Variants in STXBP2 observed in about 807,000 individuals in gnomAD.
STXBP2 encodes the protein syntaxin-binding protein 2.
In STXBP2, 47 loss-of-function variants were observed where a neutral mutation model predicts 72.2. The ratio of observed to expected loss-of-function variants is 0.65; its 90% CI spans 0.51 to 0.83. The LOEUF (loss-of-function observed/expected upper bound fraction) is 0.83. Among genes scored for constraint, STXBP2 ranks in the 40% least tolerant of loss-of-function variants. STXBP2 has a pLI of 0.00. For missense variants in STXBP2, 702 were observed against 807.6 expected (o/e 0.87, Z 1.58); for synonymous variants, 367 against 338.7 (o/e 1.08, Z -0.92).
At chr19:7,646,067 C>A in intron 15 of STXBP2, 182 bp from the exon 16 acceptor site, 2 of 616,076 alleles carry the variant, frequency 3.2e-6, no homozygotes, top group Non-Finnish European at 2.9e-6. Flanking sequence ...CTCTCCGTCT[C>A]TCTCTGGCTC....
chr19:7,639,962 A>G (rs1476435658), intron 4 of STXBP2, 155 bp downstream of exon 4: 14 of 822,388 alleles, frequency 1.7e-5, no homozygotes, highest in Non-Finnish European at 2.4e-5. Flanking sequence ...GTGTGTGTGC[A>G]TCTGTGTATG....
chr19:7,647,163 A>G lies in STXBP2; in HGVS notation c.1454A>G (p.Asp485Gly), dbSNP rs1477516324. Reference sequence around the variant, plus strand: ...CCTAACCTGCCTCTCGGCCGCCAGGACGCCGTGGAGGACCGGCTGGACAGG... The same window carrying G: ...CCTAACCTGCCTCTCGGCCGCCAGGGCGCCGTGGAGGACCGGCTGGACAGG... ...WTPVIKDVME[D>G]AVEDRLDRNL... The change falls in exon 17 of 19, where the codon GAC becomes GGC. Residue 485 changes from aspartate (D) to glycine (G), a missense_variant and splice_region_variant. Physicochemically the swap from Asp to Gly is moderately conservative, Grantham distance 94 (BLOSUM62 -1). Transcript: ENST00000221283. 6.8e-6 allele frequency: 11 copies of G among 1,611,524 alleles called. No individual in the cohort carries two copies. Among genetic ancestry groups the G allele is most frequent in the South Asian group, 2.2e-5 (2 of 91,050 alleles).
In STXBP2 at chr19:7,647,172, A is replaced by T; in HGVS notation, c.1463A>T (p.Glu488Val). The change falls in exon 17 of 19, where the codon GAG becomes GTG. Residue 488 changes from glutamate to valine, a missense_variant. Coordinates refer to ENST00000221283, the MANE Select transcript of STXBP2 (RefSeq NM_006949.4). ...VIKDVMEDAV[E>V]DRLDRNLWPF... ...CCTCTCGGCCGCCAGGACGCCGTGGAGGACCGGCTGGACAGGAACCTGTGG... is the reference window on the plus strand; with the variant it reads ...CCTCTCGGCCGCCAGGACGCCGTGGTGGACCGGCTGGACAGGAACCTGTGG... 1 of 1,611,962 alleles carries T rather than the reference A, an allele frequency of 6.2e-7. No individual in the cohort carries two copies. The highest frequency in any genetic ancestry group is 8.5e-7 in the Non-Finnish European group (1 of 1,179,888).
At chr19:7,633,483 G>T (rs1394598370), upstream of STXBP2, 7 of 1,562,862 alleles carry the variant, frequency 4.5e-6, no homozygotes, top group South Asian at 5.9e-5. Flanking sequence ...TCACTTTTCT[G>T]CTGGCCTCTG....
At chr19:7,640,340 G>A (rs1568465172) in intron 4 of STXBP2, 1 of 533,548 alleles carries the variant, frequency 1.9e-6, no homozygotes, top group Non-Finnish European at 3.4e-6. Context: ...GTATGCGTGT[G>A]TGTATGCGTC....
chr19:7,638,577 A>G (rs2031658768), intron 1 of STXBP2, 149 bp from the exon 2 acceptor site: 2 of 783,124 alleles, frequency 2.6e-6, no homozygotes, highest in Non-Finnish European at 2.1e-6. Flanking sequence ...ACTTTAGCCT[A>G]GGTGACAGAG....
chr19:7,637,564 A>G (rs1194423481), intron 1 of STXBP2, among the ~76,000 whole-genome samples: 1 of 151,964 alleles, frequency 6.6e-6, no homozygotes, highest in Non-Finnish European at 1.5e-5. Flanking sequence ...GGGGCCTCCT[A>G]GGGCTCTGGT....
upstream of STXBP2, chr19:7,632,376 G>T: frequency 4.3e-6 from 7 of 1,613,352 alleles, no homozygotes; most frequent in South Asian, 1.1e-5. The surrounding 1 kb of genome is among the most constrained non-coding windows in gnomAD (Gnocchi z 5.2). Context: ...CCTCGACATC[G>T]CCAGAACATC....
At chr19:7,631,399 C>CGGGGGGGGGGGTGGGGGGGGGG in the STXBP2 span, 1 of 583,166 alleles carries the variant, frequency 1.7e-6, no homozygotes, top group Non-Finnish European at 2.4e-6. Flanking sequence ...GAGAGGTGGG[C>CGGGGGGGGGGGTGGGGGGGGGG]GGGGGGGGGT....
rs909217776 is a variant in STXBP2, at chr19:7,646,642, C to T, written c.1452+298C>T. The stretch of plus-strand genomic sequence containing the variant: ...AGTGCCCCTGAGCCCCAGCCCTGGC[C>T]TTCCCAGGATCCCAGGGCAGCACCA... On this transcript the variant is annotated intron_variant, in intron 16 of 18. Transcript: ENST00000221283. The T allele has an allele frequency of 1.2e-4, 60 of 499,958 alleles. No individual in the cohort carries two copies. In the East Asian group the frequency reaches 1.5e-3, roughly 12 times the overall value. The allele number at this position is 499,958 out of a possible 1,614,324, so 31.0% of individuals were successfully genotyped here.
Position 7,640,050 on chromosome 19 carries a change from TTGTGTGTA to T in STXBP2, c.246+254_246+261del, listed in dbSNP as rs549540080. 2,697 of 611,328 alleles carry T rather than the reference TTGTGTGTA, an allele frequency of 4.4e-3. 49 individuals carry two copies. In the African/African-American group the frequency reaches 0.048, roughly 11 times the overall value. The allele number at this position is 611,328 out of a possible 1,614,324, so 37.9% of individuals were successfully genotyped here. On this transcript the variant is annotated intron_variant, in intron 4 of 18. Coordinates refer to ENST00000221283, the MANE Select transcript of STXBP2 (RefSeq NM_006949.4). ...CATGTGTGTGCGTCTGTGTGTGCAT[TTGTGTGTA>T]TGTGTGTATGCGTGTGTGTCTGTGG... is the stretch of plus-strand genomic sequence containing the variant.
Position 7,647,418 on chromosome 19 carries a change from A to T in STXBP2, c.1603A>T (p.Ile535Phe), listed in dbSNP as rs370240434. 7.4e-6 allele frequency: 12 copies of T among 1,613,576 alleles called. No homozygotes were observed. Among genetic ancestry groups the T allele is most frequent in the Non-Finnish European group, 9.3e-6 (11 of 1,179,950 alleles). ...AGAAGCCCGGGCGGGCCCCCGGCTC[A>T]TCGTGTATGTCATGGGCGGTGTGGC... ...GIEARAGPRL[I>F]VYVMGGVAMS... Residue 535 changes from isoleucine (I) to phenylalanine (F), a missense_variant, in exon 18 of 19, where the codon ATC becomes TTC. Ile to Phe is a conservative substitution (Grantham distance 21). Coordinates refer to ENST00000221283, the MANE Select transcript of STXBP2 (RefSeq NM_006949.4).
chr19:7,643,159 C>T lies in STXBP2; in HGVS notation c.1027-6C>T, dbSNP rs774885772. 1.2e-6 allele frequency: 2 copies of T among 1,614,122 alleles called. No homozygotes were observed. Among genetic ancestry groups the T allele is most frequent in the South Asian group, 1.1e-5 (1 of 91,082 alleles). The stretch of plus-strand genomic sequence containing the variant: ...TATCCCCCAACCCCCACCCTGCACC[C>T]TGCAGTATTCTACGCACCTGCATCT... On this transcript the variant is annotated splice_polypyrimidine_tract_variant and splice_region_variant and intron_variant, in intron 12 of 18. Coordinates refer to ENST00000221283, the MANE Select transcript of STXBP2 (RefSeq NM_006949.4).
At chr19:7,640,419 TGCGC>T (rs374557781) in intron 4 of STXBP2, 1 of 626,964 alleles carries the variant, frequency 1.6e-6, no homozygotes, top group Admixed American at 2.3e-5. Flanking sequence ...TATGTATGTG[TGCGC>T]GCGCATCTGT....
At chr19:7,637,066 GGCGGGGTCCACGTGGGTGACGC>G, upstream of STXBP2, 1 of 1,222,886 alleles carries the variant, frequency 8.2e-7, no homozygotes, top group East Asian at 3.2e-5. Context: ...GGGCCCGCGG[GGCGGGGTCCACGTGGGTGACGC>G]GCGGGGCCAC....
At chr19:7,636,870 A>T, upstream of STXBP2, 4 of 371,696 alleles carry the variant, frequency 1.1e-5, no homozygotes, top group East Asian at 3.9e-5. Context: ...CCTGCTTCGC[A>T]CGCAAGCCAG....
At chr19:7,629,816 T>C in the STXBP2 span, 12 of 1,536,814 alleles carry the variant, frequency 7.8e-6, no homozygotes, top group African/African-American at 1.4e-5. Flanking sequence ...ACTGGCTTTG[T>C]TGACCGGGAG....
chr19:7,633,106 T>G, upstream of STXBP2: 1 of 1,080,838 alleles, frequency 9.3e-7, no homozygotes, highest in Non-Finnish European at 1.3e-6. Context: ...CCCGCCGTCC[T>G]AGATTGGGGC....
rs764239074 is a variant in STXBP2 at position 7,640,348 on chromosome 19, G to A, written c.247-383G>A. The A allele has an allele frequency of 1.5e-4, 75 of 501,994 alleles. 1 individual carries two copies. Among genetic ancestry groups the A allele is most frequent in the Admixed American group, 9.3e-4 (36 of 38,700 alleles). The allele number at this position is 501,994 out of a possible 1,614,324, so 31.1% of individuals were successfully genotyped here. A position where few individuals can be genotyped will look rare whatever the true frequency, so the allele number is the denominator to read the frequency against. Reference sequence around the variant, plus strand: ...TGCGTGTGTATGCGTGTGTGTATGCGTCTGTGCATGTGTGTATGCGTGTGT... The same window carrying A: ...TGCGTGTGTATGCGTGTGTGTATGCATCTGTGCATGTGTGTATGCGTGTGT... On this transcript the variant is annotated intron_variant, in intron 4 of 18. Transcript: ENST00000221283.
Sources: gnomAD v4.1 joint callset for allele counts (sites outside exome capture counted in the v4.1 genomes callset) on GRCh38, gnomAD v4.1.1 for gene constraint, Gnocchi (gnomAD v3.1) non-coding constraint, MANE v1.5 for transcripts, NCBI Gene and HGNC (gene_info 2026-07-23, HGNC 2026-07-21) for gene names.